The following PLXNA2 variants were observed in gnomAD, a reference collection of about 807,000 sequenced individuals.
PLXNA2 encodes the protein plexin-A2.
PLXNA2 carries 91 observed loss-of-function variants against 193.5 expected under a neutral mutation model. The observed-to-expected ratio is 0.47, with a 90% confidence interval of 0.40 to 0.56. PLXNA2 has a LOEUF of 0.56. PLXNA2 is among the 20% of genes least tolerant of loss of function. The pLI is 0.00. For synonymous variants in PLXNA2, 997 were observed against 1,027.3 expected (o/e 0.97, Z 0.56); for missense variants, 1,995 against 2,503.2 (o/e 0.80, Z 4.33).
chr1:208,098,402 G>A (rs775637835), intron 6 of PLXNA2, among the ~76,000 whole-genome samples: 6 of 151,286 alleles, frequency 4.0e-5, no homozygotes, highest in Non-Finnish European at 5.9e-5. Context: ...ACTTCGAATT[G>A]AGGCAGTCTC....
At chr1:208,060,454 G>A (rs1665579223) in intron 13 of PLXNA2, among the ~76,000 whole-genome samples, 1 of 152,154 alleles carries the variant, frequency 6.6e-6, no homozygotes, top group African/African-American at 2.4e-5. Context: ...GACGGTCAGG[G>A]CCGGAGCCCT....
chr1:208,213,547 T>G (rs1671030261), intron 2 of PLXNA2, among the ~76,000 whole-genome samples: 1 of 152,242 alleles, frequency 6.6e-6, no homozygotes, highest in African/African-American at 2.4e-5. Context: ...GCTTAGCCTT[T>G]AGGACTAGCT....
rs17012203 is a variant in PLXNA2 at position 208,233,174 on chromosome 1, G to T, written c.-81+10469C>A. On this transcript the variant is annotated intron_variant, in intron 1 of 31. Transcript: ENST00000367033. ...TGTGACTTGTAGGACGATGATTTGC[G>T]TGCATACCCTCTCTTGCCAGGTTGA... 5.7e-3 allele frequency among the ~76,000 whole-genome samples: 863 copies of T among 152,140 alleles called. 6 individuals carry two copies. The highest frequency in any genetic ancestry group is 0.018 in the African/African-American group (766 of 41,484).
chr1:208,149,157 T>C (rs2102494516), intron 3 of PLXNA2, among the ~76,000 whole-genome samples: 1 of 152,284 alleles, frequency 6.6e-6, no homozygotes, highest in Middle Eastern at 3.4e-3. Flanking sequence ...TGAATGTGTA[T>C]GTGTGTGGCA....
At position 208,210,382 on chromosome 1, in the gene PLXNA2, G is replaced by A; in HGVS notation, c.1269C>T (p.Thr423=). 6.2e-7 allele frequency: 1 copy of A among 1,614,022 alleles called. No individual in the cohort carries two copies. The highest frequency in any genetic ancestry group is 8.5e-7 in the Non-Finnish European group (1 of 1,180,006). Residue 423 remains threonine (T), a synonymous_variant, in exon 3 of 32, where the codon ACC becomes ACT. Coordinates refer to ENST00000367033, the MANE Select transcript of PLXNA2 (RefSeq NM_025179.4). The part of the protein sequence containing the change: ...LGGSTPVEGL[T]LYTTSRDRMT... ...TGCGGTCCCTGCTGGTGGTGTACAG[G>A]GTCAGGCCCTCCACTGGAGTTGAGC...
chr1:208,172,633 T>C (rs1251879692), intron 3 of PLXNA2, among the ~76,000 whole-genome samples: 1 of 152,176 alleles, frequency 6.6e-6, no homozygotes, highest in Non-Finnish European at 1.5e-5. Flanking sequence ...AGGAAGCTGC[T>C]TTCTCTTTAT....
chr1:208,217,400 A>G lies in PLXNA2; in HGVS notation c.523T>C (p.Ser175Pro), dbSNP rs139661983. 7.4e-6 allele frequency: 12 copies of G among 1,614,012 alleles called. No individual in the cohort carries two copies. The highest frequency in any genetic ancestry group is 1.3e-5 in the African/African-American group (1 of 74,902). The change falls in exon 2 of 32, where the codon TCT becomes CCT. Residue 175 changes from serine (S) to proline (P), a missense_variant. Physicochemically the swap from Ser to Pro is moderately conservative, Grantham distance 74. Around this residue, in one of 3 missense-constraint regions of PLXNA2, gnomAD observed 702 missense variants for 812.9 expected, o/e 0.86. Coordinates refer to ENST00000367033, the MANE Select transcript of PLXNA2 (RefSeq NM_025179.4). The surrounding 1 kb of genome is among the most constrained non-coding windows in gnomAD (Gnocchi z 4.7). ...AAGAGCTTGCCATCCTCACCCTCAG[A>G]GCGCACAATCACCCCGTACATGGTG... ...TGTMYGVIVR[S>P]EGEDGKLFIG...
intron 9 of PLXNA2, among the ~76,000 whole-genome samples, chr1:208,090,453 A>C (rs1304121072): frequency 2.0e-5 from 3 of 151,902 alleles, no homozygotes; most frequent in African/African-American, 7.3e-5. Context: ...GGAATGTTGA[A>C]TCTCTCATCC....
rs1484883012 is a variant in PLXNA2 at position 208,210,597 on chromosome 1, A to G, written c.1189-135T>C. ...CAGACATGGGAGTTCAGGGGCCCTA[A>G]TACAAGCTGCAGACAAAAACTTCTC... On this transcript the variant is annotated intron_variant, in intron 2 of 31. Coordinates refer to ENST00000367033, the MANE Select transcript of PLXNA2 (RefSeq NM_025179.4). The G allele has an allele frequency of 1.5e-5, 10 of 685,842 alleles. No homozygotes were observed. In the Middle Eastern group the frequency reaches 1.7e-3, roughly 114 times the overall value. The allele number at this position is 685,842 out of a possible 1,614,324, so 42.5% of individuals were successfully genotyped here. A position where few individuals can be genotyped will look rare whatever the true frequency, so the allele number is the denominator to read the frequency against.
At position 208,023,189 on chromosome 1, in the gene PLXNA2, C is replaced by T. The variant is rs762993078; in HGVS notation, c.*4054G>A. The T allele has an allele frequency of 6.6e-6, 1 of 152,312 alleles. No homozygotes were observed. Among genetic ancestry groups the T allele is most frequent in the Admixed American group, 6.5e-5 (1 of 15,278 alleles). 9.4% of individuals were successfully genotyped at this position (152,312 alleles called of 1,614,324 possible). A position where few individuals can be genotyped will look rare whatever the true frequency, so the allele number is the denominator to read the frequency against. On this transcript the variant is annotated 3_prime_UTR_variant, in exon 32 of 32. Transcript: ENST00000367033. ...TGTGAAGCCACTTTGCATTTTCTCA[C>T]CCACTGAGCCTCCTGAGTCTCAATT...
chr1:208,145,975 TCCA>T (rs1172433681), intron 3 of PLXNA2, among the ~76,000 whole-genome samples: 1 of 152,084 alleles, frequency 6.6e-6, no homozygotes, highest in Non-Finnish European at 1.5e-5. Flanking sequence ...TCACCCCCGA[TCCA>T]TGCTATCTGC....
intron 1 of PLXNA2, among the ~76,000 whole-genome samples, chr1:208,241,892 C>A (rs1419673442): frequency 6.9e-6 from 1 of 145,134 alleles, no homozygotes; most frequent in Non-Finnish European, 1.5e-5. Context: ...GAAAAACAAC[C>A]TCGCTATGAC....
chr1:208,107,576 G>C (rs944362582), intron 4 of PLXNA2, among the ~76,000 whole-genome samples: 1 of 152,150 alleles, frequency 6.6e-6, no homozygotes. Flanking sequence ...GGCTGGGTCG[G>C]GTGGGGAGGG....
chr1:208,031,811 A>C, intron 28 of PLXNA2, 52 bp from the exon 29 acceptor site: 1 of 1,441,884 alleles, frequency 6.9e-7, no homozygotes, highest in South Asian at 1.3e-5. Context: ...GGCAGGTAGC[A>C]GACAGGCATA....
intron 29 of PLXNA2, chr1:208,030,638 GT>G (rs903411760): frequency 2.0e-6 from 2 of 985,290 alleles, no homozygotes; most frequent in African/African-American, 3.5e-5. Context: ...TTTCCAAAGT[GT>G]TTTGTTGGTT....
chr1:208,198,499 G>A (rs1374686158), intron 3 of PLXNA2, among the ~76,000 whole-genome samples: 1 of 152,240 alleles, frequency 6.6e-6, no homozygotes, highest in Non-Finnish European at 1.5e-5. Flanking sequence ...CCTGGAGAAA[G>A]GGGAGTCAGC....
At chr1:208,065,152 C>T (rs571534677) in intron 12 of PLXNA2, among the ~76,000 whole-genome samples, 2 of 152,258 alleles carry the variant, frequency 1.3e-5, no homozygotes, top group East Asian at 1.9e-4. Context: ...TGAGAGGCTG[C>T]GGTGGAGTCA....
chr1:208,063,559 A>G (rs1055042168), intron 12 of PLXNA2, among the ~76,000 whole-genome samples: 1 of 152,180 alleles, frequency 6.6e-6, no homozygotes, highest in African/African-American at 2.4e-5. Flanking sequence ...CGGGAGAATG[A>G]GTGTCCTTGT....
At chr1:208,186,670 G>T (rs1670007965) in intron 3 of PLXNA2, among the ~76,000 whole-genome samples, 2 of 151,366 alleles carry the variant, frequency 1.3e-5, no homozygotes, top group African/African-American at 2.4e-5. Context: ...TAGAGAAGTA[G>T]CTAAGGAATG....
Sources: allele counts gnomAD v4.1 joint callset (sites outside exome capture counted in the v4.1 genomes callset), GRCh38; gene constraint gnomAD v4.1.1; regional missense constraint gnomAD v4.1.1; non-coding constraint Gnocchi (gnomAD v3.1); transcripts MANE v1.5; gene names NCBI Gene and HGNC (gene_info 2026-07-23, HGNC 2026-07-21).